NBAS: variants seen among roughly 807,000 people sequenced by gnomAD.
NBAS encodes NBAS subunit of NRZ tethering complex.
A neutral mutation model predicts 302.5 loss-of-function variants in NBAS; 219 were observed. The ratio of observed to expected loss-of-function variants is 0.72; its 90% confidence interval spans 0.65 to 0.81. The LOEUF (loss-of-function observed/expected upper bound fraction) is 0.81, where lower values mean the gene tolerates loss of function less well. Among genes scored for constraint, NBAS ranks in the 30% least tolerant of loss-of-function variants. NBAS has a pLI of 0.00. For synonymous variants in NBAS, 1,118 were observed against 1,021.6 expected (o/e 1.09, Z -1.80); for missense variants, 2,932 against 2,841.6 (o/e 1.03, Z -0.72).
chr2:14,991,357 T>C, the NBAS span, among the ~76,000 whole-genome samples: 2 of 152,152 alleles, frequency 1.3e-5, no homozygotes, highest in South Asian at 2.1e-4. Context: ...GAAGGACGCC[T>C]TCCTCCCACG....
intron 11 of NBAS, among the ~76,000 whole-genome samples, chr2:15,492,339 A>T (rs1351225905): frequency 6.6e-6 from 1 of 152,184 alleles, no homozygotes; most frequent in Non-Finnish European, 1.5e-5. Context: ...AAGATGATAG[A>T]GTTATTAGTA....
the NBAS span, among the ~76,000 whole-genome samples, chr2:15,127,072 GC>G: frequency 2.6e-5 from 4 of 152,158 alleles, no homozygotes; most frequent in Non-Finnish European, 5.9e-5. Context: ...CAGATATGTG[GC>G]CCAGGAAGTC....
At chr2:15,523,597 G>C (rs1415180640) in intron 9 of NBAS, among the ~76,000 whole-genome samples, 3 of 152,132 alleles carry the variant, frequency 2.0e-5, no homozygotes, top group South Asian at 2.1e-4. Flanking sequence ...CAGATACCAA[G>C]GAAGGACTGT....
the NBAS span, among the ~76,000 whole-genome samples, chr2:15,113,774 A>G: frequency 6.7e-6 from 1 of 149,778 alleles, no homozygotes; most frequent in African/African-American, 2.5e-5. Flanking sequence ...CTTTTTTTTT[A>G]AAACAAACTG....
chr2:15,421,306 C>T (rs879847086), intron 23 of NBAS, among the ~76,000 whole-genome samples: 11 of 152,154 alleles, frequency 7.2e-5, no homozygotes, highest in Non-Finnish European at 1.5e-4. Context: ...TTTTTAATAT[C>T]AGCTTTGAAT....
the NBAS span, among the ~76,000 whole-genome samples, chr2:15,119,303 C>CTTTTTT: frequency 1.4e-4 from 15 of 107,764 alleles, no homozygotes; most frequent in East Asian, 7.7e-4. Flanking sequence ...GAAATCCTTT[C>CTTTTTT]TTTTTTTTTT....
At chr2:15,230,772 G>C (rs1157190627) in intron 47 of NBAS, among the ~76,000 whole-genome samples, 1 of 152,278 alleles carries the variant, frequency 6.6e-6, no homozygotes, top group East Asian at 1.9e-4. Context: ...GGAGCTGATG[G>C]CTGAGAACTC....
intron 26 of NBAS, 88 bp from the exon 27 acceptor site, chr2:15,396,563 AG>A (rs1279441772): frequency 1.1e-6 from 1 of 881,420 alleles, no homozygotes; most frequent in Non-Finnish European, 1.7e-6. Flanking sequence ...AGTGAAAAAA[AG>A]ATGTTTCTTT....
intron 38 of NBAS, among the ~76,000 whole-genome samples, chr2:15,323,705 C>T (rs967634102): frequency 2.6e-5 from 4 of 151,688 alleles, no homozygotes; most frequent in Admixed American, 6.6e-5. Flanking sequence ...CATGGTGGTG[C>T]GCACCTGTAG....
chr2:15,351,887 C>T (rs1673376150), intron 35 of NBAS, 105 bp downstream of exon 35: 3 of 807,254 alleles, frequency 3.7e-6, no homozygotes, highest in African/African-American at 3.4e-5. Context: ...CACACACACA[C>T]ACACACACAC....
chr2:15,542,628 A>T (rs144241961), intron 6 of NBAS, among the ~76,000 whole-genome samples: 1,882 of 151,680 alleles, frequency 0.012, 34 homozygotes, highest in African/African-American at 0.043. Context: ...GATCAATAAA[A>T]AAATAAATAA....
intron 6 of NBAS, among the ~76,000 whole-genome samples, chr2:15,539,595 T>C (rs1051852515): frequency 6.6e-6 from 1 of 152,172 alleles, no homozygotes; most frequent in Non-Finnish European, 1.5e-5. Flanking sequence ...AGTCTACTGA[T>C]GCATGGTCTG....
At chr2:15,362,572 AACAC>A (rs1673986962) in intron 32 of NBAS, among the ~76,000 whole-genome samples, 1 of 152,186 alleles carries the variant, frequency 6.6e-6, no homozygotes, top group Non-Finnish European at 1.5e-5. Context: ...TTATTAGAAT[AACAC>A]ACTCATGATT....
intron 25 of NBAS, among the ~76,000 whole-genome samples, chr2:15,409,931 C>A (rs940471404): frequency 2.6e-5 from 4 of 152,276 alleles, no homozygotes; most frequent in African/African-American, 9.6e-5. Flanking sequence ...GTATCACCAG[C>A]CCATGTCCAG....
At chr2:14,942,506 C>A in the NBAS span, among the ~76,000 whole-genome samples, 1 of 152,218 alleles carries the variant, frequency 6.6e-6, no homozygotes, top group African/African-American at 2.4e-5. Context: ...TTTCCTGAGG[C>A]TTCCTCAGAA....
the NBAS span, among the ~76,000 whole-genome samples, chr2:14,953,390 T>C: frequency 6.6e-6 from 1 of 152,228 alleles, no homozygotes; most frequent in Admixed American, 6.5e-5. Flanking sequence ...ATTCATTTTC[T>C]TTAAGTAAAA....
chr2:14,893,826 GA>G, the NBAS span, among the ~76,000 whole-genome samples: 1 of 152,304 alleles, frequency 6.6e-6, no homozygotes, highest in African/African-American at 2.4e-5. Flanking sequence ...CCTCTAGCAT[GA>G]TTTACTCACC....
chr2:14,786,074 A>T, the NBAS span, among the ~76,000 whole-genome samples: 4 of 152,154 alleles, frequency 2.6e-5, no homozygotes, highest in African/African-American at 7.2e-5. Flanking sequence ...CAAGGAATTT[A>T]TCCATTTCTT....
At chr2:14,887,399 C>CAAA in the NBAS span, among the ~76,000 whole-genome samples, 4 of 84,622 alleles carry the variant, frequency 4.7e-5, no homozygotes, top group South Asian at 4.0e-4. Flanking sequence ...TGAGACTCCT[C>CAAA]AAAAAAAAAA....
Sources: allele counts gnomAD v4.1 joint callset (sites outside exome capture counted in the v4.1 genomes callset), GRCh38; gene constraint gnomAD v4.1.1; transcripts MANE v1.5; gene names NCBI Gene and HGNC (gene_info 2026-07-23, HGNC 2026-07-21).